HIVEP2: variants seen among roughly 807,000 people sequenced by gnomAD.
HIVEP2 encodes transcription factor HIVEP2.
In HIVEP2, 14 loss-of-function variants were observed where a neutral mutation model predicts 180.7. The ratio of observed to expected loss-of-function variants is 0.08; its 90% confidence interval spans 0.05 to 0.12. The LOEUF (loss-of-function observed/expected upper bound fraction) is 0.12, where lower values mean the gene tolerates loss of function less well. Ranked by LOEUF, HIVEP2 falls within the 10% of genes least tolerant of loss-of-function variation. HIVEP2 has a pLI of 1.00. For synonymous variants in HIVEP2, 1,184 were observed against 1,136.4 expected (o/e 1.04, Z -0.84); for missense variants, 2,579 against 3,008.5 (o/e 0.86, Z 3.34).
At chr6:142,869,485 C>T (rs1488790717) in intron 1 of HIVEP2, among the ~76,000 whole-genome samples, 1 of 152,086 alleles carries the variant, frequency 6.6e-6, no homozygotes, top group African/African-American at 2.4e-5. Flanking sequence ...GCAGTCTTTA[C>T]ACATTAATGT....
chr6:142,916,128 C>T (rs531090632), intron 1 of HIVEP2, among the ~76,000 whole-genome samples: 2 of 152,180 alleles, frequency 1.3e-5, no homozygotes, highest in Non-Finnish European at 2.9e-5. Context: ...GTCTCCACCT[C>T]TACCTCTTTA....
chr6:142,914,153 C>A (rs62428764), intron 1 of HIVEP2, among the ~76,000 whole-genome samples: 4 of 152,164 alleles, frequency 2.6e-5, no homozygotes, highest in Non-Finnish European at 5.9e-5. Context: ...CTTCTTGGTG[C>A]CCCCATTTTC....
At chr6:142,798,393 T>C (rs952487766) in intron 2 of HIVEP2, among the ~76,000 whole-genome samples, 3 of 152,124 alleles carry the variant, frequency 2.0e-5, no homozygotes. Context: ...ATCAATAATG[T>C]TTCCATTTTT....
intron 2 of HIVEP2, among the ~76,000 whole-genome samples, chr6:142,823,688 C>G (rs1043533423): frequency 1.3e-5 from 2 of 152,202 alleles, no homozygotes; most frequent in African/African-American, 4.8e-5. Context: ...GCACATGGCA[C>G]TTGAAGAGTG....
intron 1 of HIVEP2, among the ~76,000 whole-genome samples, chr6:142,863,022 A>C (rs999971714): frequency 1.3e-4 from 18 of 142,154 alleles, no homozygotes; most frequent in African/African-American, 4.6e-4. Flanking sequence ...TATTACATAC[A>C]ATATGTAATA....
chr6:142,753,380 C>T lies in HIVEP2; in HGVS notation c.7068G>A (p.Glu2356=), dbSNP rs952542835. 4 of 1,613,836 alleles carry T rather than the reference C, an allele frequency of 2.5e-6. No individual in the cohort carries two copies. Among genetic ancestry groups the T allele is most frequent in the Non-Finnish European group, 3.4e-6 (4 of 1,180,028 alleles). The change falls in exon 10 of 10, where the codon GAG becomes GAA. Residue 2356 remains glutamate (E), a synonymous_variant. Coordinates refer to ENST00000367603, the MANE Select transcript of HIVEP2 (RefSeq NM_006734.4). ...LGPDQPARVQ[E]PHQNPLGSAH... is the part of the protein sequence containing the mutation. The stretch of plus-strand genomic sequence containing the variant: ...CACTTCCCAGGGGGTTCTGGTGGGG[C>T]TCCTGCACCCGCGCTGGCTGATCTG...
Position 142,773,108 on chromosome 6 carries a change from T to C in HIVEP2, c.1631A>G (p.Asn544Ser). 1 of 1,614,172 alleles carries C rather than the reference T, an allele frequency of 6.2e-7. No individual in the cohort carries two copies. Among genetic ancestry groups the C allele is most frequent in the Non-Finnish European group, 8.5e-7 (1 of 1,180,032 alleles). The change falls in exon 5 of 10, where the codon AAC becomes AGC. Residue 544 changes from asparagine (N) to serine (S), a missense_variant. Asn to Ser is a conservative substitution (Grantham distance 46, BLOSUM62 1). Coordinates refer to ENST00000367603, the MANE Select transcript of HIVEP2 (RefSeq NM_006734.4). ...AGTTGCTGAAGAAGTTGGCACTGAG[T>C]TGCTTCTAATAAGGGGTGAAGAGTC... is the stretch of plus-strand genomic sequence containing the variant. The part of the protein sequence containing the change: ...PVDSSPLIRS[N>S]SVPTSSATNL...
chr6:142,881,794 C>T (rs1776579858), intron 1 of HIVEP2, among the ~76,000 whole-genome samples: 1 of 152,186 alleles, frequency 6.6e-6, no homozygotes. Flanking sequence ...CAGTCTCATG[C>T]TCTATGAAAG....
At chr6:142,884,907 T>C (rs1009564222) in intron 1 of HIVEP2, among the ~76,000 whole-genome samples, 20 of 152,188 alleles carry the variant, frequency 1.3e-4, no homozygotes, top group Non-Finnish European at 2.9e-5. Context: ...TGCACTGCTC[T>C]GCTCCTCAAA....
intron 1 of HIVEP2, among the ~76,000 whole-genome samples, chr6:142,881,645 T>C (rs927482953): frequency 1.3e-5 from 2 of 152,232 alleles, no homozygotes; most frequent in Admixed American, 1.3e-4. Flanking sequence ...TCAGGATAGT[T>C]AGACCTCACA....
chr6:142,759,718 G>A, intron 9 of HIVEP2, 54 bp downstream of exon 9: 5 of 1,410,982 alleles, frequency 3.5e-6, no homozygotes, highest in Non-Finnish European at 4.9e-6. Flanking sequence ...GCATTATCAG[G>A]AGGACCAATG....
At chr6:142,882,276 A>C (rs1041670997) in intron 1 of HIVEP2, among the ~76,000 whole-genome samples, 1 of 152,176 alleles carries the variant, frequency 6.6e-6, no homozygotes, top group Non-Finnish European at 1.5e-5. Flanking sequence ...CCTAAAGCTA[A>C]AGAGTCCTTC....
chr6:142,775,132 A>G lies in HIVEP2; in HGVS notation c.-387-7T>C, dbSNP rs552468487. ...TTCACTAAGATAAAATGATCTGAAG[A>G]AAAAGAAAATACAAAGAGATTGTCA... On this transcript the variant is annotated splice_polypyrimidine_tract_variant and splice_region_variant and intron_variant, in intron 4 of 9. Transcript: ENST00000367603. 1.4e-4 allele frequency: 134 copies of G among 978,122 alleles called. 2 individuals carry two copies. The South Asian group carries it at 5.9e-3, about 43-fold the overall frequency. 60.6% of individuals were successfully genotyped at this position (978,122 alleles called of 1,614,324 possible).
At chr6:142,809,897 T>C (rs1323704239) in intron 2 of HIVEP2, among the ~76,000 whole-genome samples, 1 of 152,132 alleles carries the variant, frequency 6.6e-6, no homozygotes, top group Non-Finnish European at 1.5e-5. Context: ...CCCGGCCCAA[T>C]ATTCTAATTT....
At chr6:142,786,271 C>A (rs1416461172) in intron 2 of HIVEP2, among the ~76,000 whole-genome samples, 3 of 152,148 alleles carry the variant, frequency 2.0e-5, no homozygotes, top group Non-Finnish European at 4.4e-5. Flanking sequence ...ATGATTATTT[C>A]TTTAACTTTG....
intron 1 of HIVEP2, among the ~76,000 whole-genome samples, chr6:142,908,901 A>G (rs1777334305): frequency 6.6e-6 from 1 of 151,536 alleles, no homozygotes; most frequent in African/African-American, 2.4e-5. Context: ...ACAACGAATT[A>G]AAAACACAGT....
rs146245518 is a variant in HIVEP2 at position 142,884,308 on chromosome 6, G to GA, written c.-640-47262dup. 5.5e-4 allele frequency among the ~76,000 whole-genome samples: 80 copies of GA among 144,878 alleles called. 1 individual carries two copies. The highest frequency in any genetic ancestry group is 7.0e-4 in the Non-Finnish European group (46 of 65,724). On this transcript the variant is annotated intron_variant, in intron 1 of 9. Transcript: ENST00000367603. Reference sequence around the variant, plus strand: ...ATTAAGGGAATATGCCTTTGTTCTGGAAAAAAAAAAGGAATAAAACTTGGT... The same window carrying GA: ...ATTAAGGGAATATGCCTTTGTTCTGGAAAAAAAAAAAGGAATAAAACTTGGT...
In HIVEP2 at chr6:142,771,560, G is replaced by A; in HGVS notation, c.3179C>T (p.Pro1060Leu). 1 of 1,614,004 alleles carries A rather than the reference G, an allele frequency of 6.2e-7. No homozygotes were observed. The highest frequency in any genetic ancestry group is 1.1e-5 in the South Asian group (1 of 91,086). Reference sequence around the variant, plus strand: ...CGTGGAGGCTGCTGCTCCCGACACAGGAGCATGGGACAGATTCCCATAATC... The same window carrying A: ...CGTGGAGGCTGCTGCTCCCGACACAAGAGCATGGGACAGATTCCCATAATC... ...SFDYGNLSHAPVSGAAASTVS... is the reference protein window; with the variant it reads ...SFDYGNLSHALVSGAAASTVS... The change falls in exon 5 of 10, where the codon CCT becomes CTT. Residue 1060 changes from proline to leucine, a missense_variant. Coordinates refer to ENST00000367603, the MANE Select transcript of HIVEP2 (RefSeq NM_006734.4). This position sits in a 1 kb window ranked among gnomAD's most constrained non-coding sequence, Gnocchi z 5.4.
chr6:142,845,312 T>C (rs966786275), intron 1 of HIVEP2, among the ~76,000 whole-genome samples: 1 of 152,182 alleles, frequency 6.6e-6, no homozygotes, highest in Admixed American at 6.5e-5. Flanking sequence ...GAAGCAGATA[T>C]GGTTTACTTT....
Sources: allele counts gnomAD v4.1 joint callset (sites outside exome capture counted in the v4.1 genomes callset), GRCh38; gene constraint gnomAD v4.1.1; non-coding constraint Gnocchi (gnomAD v3.1); transcripts MANE v1.5; gene names NCBI Gene and HGNC (gene_info 2026-07-23, HGNC 2026-07-21).